Variants in RAB35 observed in about 807,000 individuals in gnomAD.
RAB35 encodes the protein RAB35, member RAS oncogene family.
Under a neutral mutation model 28.9 loss-of-function variants are expected in RAB35, and 4 were observed. That is an observed-to-expected ratio of 0.14 (90% CI 0.07 to 0.32). RAB35 has a LOEUF of 0.32. Ranked by LOEUF, RAB35 falls within the 10% of genes least tolerant of loss-of-function variation. RAB35 has a pLI of 1.00. For missense variants in RAB35, 128 were observed against 274.0 expected (o/e 0.47, Z 3.76); for synonymous variants, 99 against 105.1 (o/e 0.94, Z 0.35).
chr12:120,100,222 AT>A (rs1424133589), intron 3 of RAB35, among the ~76,000 whole-genome samples: 2 of 152,216 alleles, frequency 1.3e-5, no homozygotes, highest in Admixed American at 6.5e-5. Flanking sequence ...CTGCAGCTCC[AT>A]TCCTGTCCAC....
Position 120,096,671 on chromosome 12 carries a change from G to A in RAB35, c.*574C>T, listed in dbSNP as rs1411772128. 9.3e-6 allele frequency: 12 copies of A among 1,289,740 alleles called. No homozygotes were observed. Among genetic ancestry groups the A allele is most frequent in the Admixed American group, 4.6e-5 (2 of 43,548 alleles). 79.9% of individuals were successfully genotyped at this position (1,289,740 alleles called of 1,614,324 possible). ...AGAATGGCTGTGGGGACAGGACAAC[G>A]GGGAGGGAAGGGAGCTGGCACAGGC... On this transcript the variant is annotated 3_prime_UTR_variant, in exon 6 of 6. Coordinates refer to ENST00000229340, the MANE Select transcript of RAB35 (RefSeq NM_006861.7).
In RAB35 at chr12:120,096,437, C is replaced by T; in HGVS notation, c.*808G>A. 7.8e-7 allele frequency: 1 copy of T among 1,287,976 alleles called. No homozygotes were observed. The highest frequency in any genetic ancestry group is 1.0e-6 in the Non-Finnish European group (1 of 987,568). 79.8% of individuals were successfully genotyped at this position (1,287,976 alleles called of 1,614,324 possible). On this transcript the variant is annotated 3_prime_UTR_variant, in exon 6 of 6. Coordinates refer to ENST00000229340, the MANE Select transcript of RAB35 (RefSeq NM_006861.7). Reference sequence around the variant, plus strand: ...CTGTTAAAATAATCCTCCCATAGCCCCCCTGCCAGCCCCATCTCTGCACGA... The same window carrying T: ...CTGTTAAAATAATCCTCCCATAGCCTCCCTGCCAGCCCCATCTCTGCACGA...
intron 3 of RAB35, among the ~76,000 whole-genome samples, chr12:120,101,742 A>ACGGCAGCAGGGGCC (rs146058422): frequency 0.097 from 14,744 of 152,136 alleles, 969 homozygotes; most frequent in African/African-American, 0.18. Context: ...GACACGTGGG[A>ACGGCAGCAGGGGCC]CGGCAGCAGG....
Position 120,114,383 on chromosome 12 carries a change from G to A in RAB35, c.52+2216C>T, listed in dbSNP as rs567836235. 5.3e-5 allele frequency among the ~76,000 whole-genome samples: 8 copies of A among 152,342 alleles called. No individual in the cohort carries two copies. In the South Asian group the frequency reaches 1.7e-3, roughly 32 times the overall value. On this transcript the variant is annotated intron_variant, in intron 1 of 5. Transcript: ENST00000229340. Reference sequence around the variant, plus strand: ...GATGGGATTACAGGCGTGAGCCACCGCGCCCGGCCTTAAGCCTTAGTTTCC... The same window carrying A: ...GATGGGATTACAGGCGTGAGCCACCACGCCCGGCCTTAAGCCTTAGTTTCC...
chr12:120,110,802 C>T (rs1474826830), intron 1 of RAB35, among the ~76,000 whole-genome samples: 2 of 152,238 alleles, frequency 1.3e-5, no homozygotes, highest in Non-Finnish European at 2.9e-5. Flanking sequence ...CAGGGTGAGG[C>T]TCTCCTGGGC....
Position 120,096,631 on chromosome 12 carries a change from G to C in RAB35, c.*614C>G, listed in dbSNP as rs761232039. The C allele has an allele frequency of 9.1e-5, 118 of 1,289,774 alleles. No homozygotes were observed. The highest frequency in any genetic ancestry group is 1.1e-4 in the Non-Finnish European group (112 of 988,898). The allele number at this position is 1,289,774 out of a possible 1,614,324, so 79.9% of individuals were successfully genotyped here. On this transcript the variant is annotated 3_prime_UTR_variant, in exon 6 of 6. Transcript: ENST00000229340. ...AACTGCAGGGCCTGCCTTGAGACCA[G>C]GTTCCCCAGCTCCCAGAATGGCTGT...
chr12:120,116,726 C>A lies in RAB35; in HGVS notation c.-76G>T, dbSNP rs1274210090. 36 of 1,207,310 alleles carry A rather than the reference C, an allele frequency of 3.0e-5. No homozygotes were observed. The highest frequency in any genetic ancestry group is 3.6e-5 in the Non-Finnish European group (35 of 971,432). The allele number at this position is 1,207,310 out of a possible 1,614,324, so 74.8% of individuals were successfully genotyped here. On this transcript the variant is annotated 5_prime_UTR_variant, in exon 1 of 6. Transcript: ENST00000229340. ...GATCCGCAGCTCCCTTCGGGCTGCT[C>A]CGGCAGCGGCGGATCCACTTCCCGA...
chr12:120,113,541 G>A (rs145167288), intron 1 of RAB35, among the ~76,000 whole-genome samples: 10 of 152,144 alleles, frequency 6.6e-5, no homozygotes, highest in South Asian at 2.1e-4. Context: ...AGAACTGGCC[G>A]GGCGCGGTGG....
At chr12:120,104,229 G>A (rs974995074) in intron 2 of RAB35, among the ~76,000 whole-genome samples, 1 of 152,192 alleles carries the variant, frequency 6.6e-6, no homozygotes, top group Non-Finnish European at 1.5e-5. Context: ...TGGGACTGGC[G>A]GGAGTGGGAC....
In RAB35 at chr12:120,103,020, C is replaced by T. The variant is rs182750595; in HGVS notation, c.227+806G>A. 7.2e-5 allele frequency among the ~76,000 whole-genome samples: 11 copies of T among 152,336 alleles called. No homozygotes were observed. Among genetic ancestry groups the T allele is most frequent in the Admixed American group, 2.0e-4 (3 of 15,304 alleles). ...CACCACACCCCGGCACGCACGTTGA[C>T]GCCTGCAGCAGAGCACCTGGCACCC... On this transcript the variant is annotated intron_variant, in intron 3 of 5. Coordinates refer to ENST00000229340, the MANE Select transcript of RAB35 (RefSeq NM_006861.7). The surrounding 1 kb of genome is among the most constrained non-coding windows in gnomAD (Gnocchi z 6.1).
chr12:120,096,353 A>C lies in RAB35; in HGVS notation c.*892T>G. The C allele has an allele frequency of 8.5e-7, 1 of 1,175,486 alleles. No individual in the cohort carries two copies. 72.8% of individuals were successfully genotyped at this position (1,175,486 alleles called of 1,614,324 possible). A position where few individuals can be genotyped will look rare whatever the true frequency, so the allele number is the denominator to read the frequency against. ...TTTGCTGCTGTGCCAATCAAACCTC[A>C]GGGAAAGAAAATAATTGTGAGGAAT... On this transcript the variant is annotated 3_prime_UTR_variant, in exon 6 of 6. Coordinates refer to ENST00000229340, the MANE Select transcript of RAB35 (RefSeq NM_006861.7).
chr12:120,111,201 G>C (rs1346876447), intron 1 of RAB35, among the ~76,000 whole-genome samples: 1 of 152,258 alleles, frequency 6.6e-6, no homozygotes, highest in Non-Finnish European at 1.5e-5. Context: ...TCCCACTGCA[G>C]CACAGCAGGC....
chr12:120,111,168 C>G (rs1393295588), intron 1 of RAB35, among the ~76,000 whole-genome samples: 2 of 152,264 alleles, frequency 1.3e-5, no homozygotes, highest in African/African-American at 4.8e-5. Context: ...GCCCGCCACA[C>G]TGACAGCTCT....
intron 5 of RAB35, among the ~76,000 whole-genome samples, chr12:120,098,232 G>A (rs1025337481): frequency 6.6e-6 from 1 of 152,248 alleles, no homozygotes; most frequent in African/African-American, 2.4e-5. Context: ...TGCTGTTCAC[G>A]GACATAGGTG....
rs1392569738 is a variant in RAB35, at chr12:120,103,476, GC to G, written c.227+349del. Reference sequence around the variant, plus strand: ...TTGTCAGCGACTAAGTCCTGGGTGGGCAAGGCACTTCGCAACCCCCTAGCGA... The same window carrying G: ...TTGTCAGCGACTAAGTCCTGGGTGGGAAGGCACTTCGCAACCCCCTAGCGA... On this transcript the variant is annotated intron_variant, in intron 3 of 5. Coordinates refer to ENST00000229340, the MANE Select transcript of RAB35 (RefSeq NM_006861.7). The surrounding 1 kb of genome is among the most constrained non-coding windows in gnomAD (Gnocchi z 6.1). Among the ~76,000 whole-genome samples, 1 of 152,222 alleles carries G rather than the reference GC, an allele frequency of 6.6e-6. No homozygotes were observed. The highest frequency in any genetic ancestry group is 1.5e-5 in the Non-Finnish European group (1 of 68,044).
intron 1 of RAB35, among the ~76,000 whole-genome samples, chr12:120,110,876 G>T (rs571852301): frequency 6.6e-6 from 1 of 152,202 alleles, no homozygotes; most frequent in Non-Finnish European, 1.5e-5. Flanking sequence ...TCCTTGCTCC[G>T]CCGTGAGGCT....
At chr12:120,099,637 A>C (rs1219816545) in intron 3 of RAB35, among the ~76,000 whole-genome samples, 1 of 152,190 alleles carries the variant, frequency 6.6e-6, no homozygotes, top group Non-Finnish European at 1.5e-5. Flanking sequence ...CCCCTGGGGC[A>C]GGTAGGCACC....
In RAB35 at chr12:120,104,771, C is replaced by A. The variant is rs2283359; in HGVS notation, c.104-822G>T. ...ACCTCAGCCTCCTGAGTAGCTGGGA[C>A]TACAGGCATGCGCCACCACGCCCGG... On this transcript the variant is annotated intron_variant, in intron 2 of 5. Coordinates refer to ENST00000229340, the MANE Select transcript of RAB35 (RefSeq NM_006861.7). Among the ~76,000 whole-genome samples, 9 of 152,006 alleles carry A rather than the reference C, an allele frequency of 5.9e-5. No individual in the cohort carries two copies. In the East Asian group the frequency reaches 7.8e-4, roughly 13 times the overall value.
intron 5 of RAB35, among the ~76,000 whole-genome samples, chr12:120,098,452 G>C (rs1875524542): frequency 6.6e-6 from 1 of 152,258 alleles, no homozygotes; most frequent in Non-Finnish European, 1.5e-5. Context: ...ACAGGCCTCT[G>C]GGCTCCACAC....
Sources: allele counts gnomAD v4.1 joint callset (sites outside exome capture counted in the v4.1 genomes callset), GRCh38; gene constraint gnomAD v4.1.1; non-coding constraint Gnocchi (gnomAD v3.1); transcripts MANE v1.5; gene names NCBI Gene and HGNC (gene_info 2026-07-23, HGNC 2026-07-21).